PDE7A: variants seen among roughly 807,000 people sequenced by gnomAD.
The protein encoded by PDE7A is high affinity 3',5'-cyclic-AMP phosphodiesterase 7A.
In PDE7A, 39 loss-of-function variants were observed where a neutral mutation model predicts 64.3. That is an observed-to-expected ratio of 0.61 (90% CI 0.47 to 0.79). The LOEUF (loss-of-function observed/expected upper bound fraction) is 0.79. Among genes scored for constraint, PDE7A ranks in the 30% least tolerant of loss-of-function variants. PDE7A has a pLI of 0.00. For synonymous variants in PDE7A, 203 were observed against 206.8 expected, an observed-to-expected ratio of 0.98 and a Z score of 0.16; for missense variants, 470 against 582.8, an observed-to-expected ratio of 0.81 and a Z score of 1.99.
At chr8:65,738,658 C>G (rs1463271245) in intron 6 of PDE7A, among the ~76,000 whole-genome samples, 1 of 152,074 alleles carries the variant, frequency 6.6e-6, no homozygotes, top group Non-Finnish European at 1.5e-5. Flanking sequence ...GTCTCCAACT[C>G]GTGGCCTCAC....
chr8:65,798,198 ATATATATATT>A (rs1191347749), intron 1 of PDE7A, among the ~76,000 whole-genome samples: 4 of 21,616 alleles, frequency 1.9e-4, no homozygotes, highest in African/African-American at 8.7e-4. Flanking sequence ...ATATATATAT[ATATATATATT>A]TTTTTTTTTT....
intron 3 of PDE7A, among the ~76,000 whole-genome samples, chr8:65,753,523 C>T (rs1413766329): frequency 6.6e-6 from 1 of 152,140 alleles, no homozygotes; most frequent in East Asian, 1.9e-4. Context: ...CCTCACCCAC[C>T]CCTAAGCTTT....
chr8:65,832,968 G>A (rs1810869212), intron 1 of PDE7A, among the ~76,000 whole-genome samples: 1 of 152,180 alleles, frequency 6.6e-6, no homozygotes, highest in South Asian at 2.1e-4. Context: ...ATGACCTAGA[G>A]TTTAACCCAT....
chr8:65,839,515 A>T (rs1250643402), intron 1 of PDE7A, among the ~76,000 whole-genome samples: 1 of 152,110 alleles, frequency 6.6e-6, no homozygotes, highest in East Asian at 1.9e-4. Flanking sequence ...CCATCTCTGC[A>T]TCCACTAAGT....
intron 7 of PDE7A, among the ~76,000 whole-genome samples, chr8:65,729,914 ACTGAAAGAAATGAAC>A (rs1341121933): frequency 6.6e-6 from 1 of 151,946 alleles, no homozygotes; most frequent in African/African-American, 2.4e-5. Flanking sequence ...CTGAGAAATT[ACTGAAAGAAATGAAC>A]CTCCCACACA....
intron 1 of PDE7A, among the ~76,000 whole-genome samples, chr8:65,814,556 A>G (rs1585939896): frequency 6.6e-6 from 1 of 150,528 alleles, no homozygotes; most frequent in African/African-American, 2.4e-5. Context: ...ATGTGTATAT[A>G]TATAATACGT....
rs117809418 is a variant in PDE7A at position 65,794,483 on chromosome 8, G to T, written c.139-11640C>A. ...ATTATAAACAGACCAATACTTGTAG[G>T]CAAATATAAATTATAACATAGACAT... On this transcript the variant is annotated intron_variant, in intron 1 of 12. Transcript: ENST00000401827. Among the ~76,000 whole-genome samples the T allele has an allele frequency of 2.0e-4, 30 of 151,906 alleles. No individual in the cohort carries two copies. The East Asian group carries it at 5.8e-3, about 29-fold the overall frequency.
chr8:65,746,294 G>C (rs1026098389), intron 4 of PDE7A, among the ~76,000 whole-genome samples: 3 of 151,958 alleles, frequency 2.0e-5, no homozygotes, highest in Non-Finnish European at 4.4e-5. Context: ...TAACTAACTT[G>C]CTCAGCTATA....
At chr8:65,764,310 T>C (rs139302134) in intron 3 of PDE7A, among the ~76,000 whole-genome samples, 7 of 152,356 alleles carry the variant, frequency 4.6e-5, no homozygotes, top group Non-Finnish European at 8.8e-5. Flanking sequence ...TAAAATTTAA[T>C]AGACACTCCA....
At chr8:65,801,891 C>T (rs979240831) in intron 1 of PDE7A, among the ~76,000 whole-genome samples, 3 of 152,146 alleles carry the variant, frequency 2.0e-5, no homozygotes, top group Admixed American at 1.3e-4. Context: ...CATTTGTTTA[C>T]ATTTAATAAA....
intron 5 of PDE7A, among the ~76,000 whole-genome samples, chr8:65,743,540 G>A (rs1005433232): frequency 2.2e-4 from 33 of 152,188 alleles, no homozygotes; most frequent in Admixed American, 1.7e-3. Flanking sequence ...TTTATTTTCT[G>A]TCAACACTGC....
intron 3 of PDE7A, among the ~76,000 whole-genome samples, chr8:65,765,357 C>T (rs1030995656): frequency 3.3e-5 from 5 of 149,550 alleles, no homozygotes; most frequent in Non-Finnish European, 7.5e-5. Flanking sequence ...GGCGTAGTGG[C>T]GGGCGCCTGT....
chr8:65,754,748 C>T (rs1247547460), intron 3 of PDE7A, among the ~76,000 whole-genome samples: 4 of 150,338 alleles, frequency 2.7e-5, no homozygotes, highest in East Asian at 2.1e-4. Flanking sequence ...GAGTGGATCA[C>T]GAGGTCAAGA....
intron 7 of PDE7A, among the ~76,000 whole-genome samples, chr8:65,733,745 A>G (rs1373355905): frequency 6.6e-6 from 1 of 152,166 alleles, no homozygotes. Context: ...AAAAGTCATG[A>G]TATATATACT....
At chr8:65,834,742 A>T (rs1810913943) in intron 1 of PDE7A, among the ~76,000 whole-genome samples, 1 of 152,156 alleles carries the variant, frequency 6.6e-6, no homozygotes, top group African/African-American at 2.4e-5. Context: ...CATCCCTACC[A>T]GCAGGTGGAG....
rs1027358906 is a variant in PDE7A at position 65,717,659 on chromosome 8, T to C, written c.*1631A>G. The C allele has an allele frequency of 7.2e-5, 11 of 152,214 alleles. No individual in the cohort carries two copies. Among genetic ancestry groups the C allele is most frequent in the African/African-American group, 1.4e-4 (6 of 41,456 alleles). The allele number at this position is 152,214 out of a possible 1,614,324, so 9.4% of individuals were successfully genotyped here. A position where few individuals can be genotyped will look rare whatever the true frequency, so the allele number is the denominator to read the frequency against. On this transcript the variant is annotated 3_prime_UTR_variant, in exon 13 of 13. Coordinates refer to ENST00000401827, the MANE Select transcript of PDE7A (RefSeq NM_001242318.3). The stretch of plus-strand genomic sequence containing the variant: ...TTGTGTTTTCCAAAAGATTGAGTTA[T>C]AAGGTAAATGTCAAAGATAAAAATA...
At chr8:65,746,794 A>G (rs1339891689) in intron 4 of PDE7A, among the ~76,000 whole-genome samples, 1 of 152,172 alleles carries the variant, frequency 6.6e-6, no homozygotes, top group East Asian at 1.9e-4. Context: ...AGCAGGCATG[A>G]ACGCTTTCCA....
intron 1 of PDE7A, chr8:65,788,812 G>T: frequency 3.0e-6 from 3 of 990,706 alleles, no homozygotes; most frequent in Non-Finnish European, 3.1e-6. Context: ...AGAAAATCGA[G>T]CTATTTAATT....
intron 12 of PDE7A, 161 bp from the exon 13 acceptor site, chr8:65,719,656 G>A: frequency 1.7e-6 from 1 of 591,676 alleles, no homozygotes; most frequent in Non-Finnish European, 3.0e-6. Flanking sequence ...AGTCTGTAAT[G>A]TACATATCCA....
Sources: allele counts gnomAD v4.1 joint callset (sites outside exome capture counted in the v4.1 genomes callset), GRCh38; gene constraint gnomAD v4.1.1; transcripts MANE v1.5; gene names NCBI Gene and HGNC (gene_info 2026-07-23, HGNC 2026-07-21).